Variants in NUBPL observed in about 807,000 individuals in gnomAD.
NUBPL encodes the protein NUBP iron-sulfur cluster assembly factor, mitochondrial.
In NUBPL, 31 loss-of-function variants were observed where a neutral mutation model predicts 45.7. The observed-to-expected ratio is 0.68, with a 90% confidence interval of 0.51 to 0.92. The LOEUF (loss-of-function observed/expected upper bound fraction) is 0.92, where lower values mean the gene tolerates loss of function less well. Ranked by LOEUF, NUBPL falls within the 40% of genes least tolerant of loss-of-function variation. NUBPL has a pLI of 0.00. For synonymous variants in NUBPL, 144 were observed against 140.9 expected, an observed-to-expected ratio of 1.02 and a Z score of -0.15; for missense variants, 401 against 398.7, an observed-to-expected ratio of 1.01 and a Z score of -0.05.
At chr14:31,672,350 A>G (rs2036592119) in intron 4 of NUBPL, among the ~76,000 whole-genome samples, 1 of 152,100 alleles carries the variant, frequency 6.6e-6, no homozygotes, top group Admixed American at 6.6e-5. Context: ...TTAGATTAGC[A>G]TATATATAAT....
chr14:31,588,896 A>C (rs1388052960), intron 3 of NUBPL, among the ~76,000 whole-genome samples: 1 of 144,290 alleles, frequency 6.9e-6, no homozygotes, highest in African/African-American at 2.5e-5. Context: ...CCTGGGCAAC[A>C]GAGTGAGACT....
At chr14:31,604,429 C>T (rs10139871) in intron 4 of NUBPL, among the ~76,000 whole-genome samples, 61,585 of 151,978 alleles carry the variant, frequency 0.41, 14,117 homozygotes, top group East Asian at 0.59. Flanking sequence ...ACAAAATTAC[C>T]TAATTAACAA....
intron 4 of NUBPL, among the ~76,000 whole-genome samples, chr14:31,645,234 T>G (rs1257736990): frequency 6.6e-6 from 1 of 151,946 alleles, no homozygotes; most frequent in Non-Finnish European, 1.5e-5. Flanking sequence ...CCCGGCTAAT[T>G]TTTTGTATTT....
At chr14:31,834,373 G>A (rs951271429) in intron 8 of NUBPL, among the ~76,000 whole-genome samples, 22 of 151,866 alleles carry the variant, frequency 1.4e-4, no homozygotes, top group Non-Finnish European at 2.6e-4. Flanking sequence ...TAGAGACGGG[G>A]TTTCACCGTG....
intron 4 of NUBPL, among the ~76,000 whole-genome samples, chr14:31,660,971 T>G (rs903720650): frequency 1.3e-5 from 2 of 152,252 alleles, no homozygotes; most frequent in African/African-American, 2.4e-5. Flanking sequence ...CAGCTGTTCT[T>G]GTGCCTATTT....
chr14:31,754,952 G>GT (rs2038623617), intron 6 of NUBPL, among the ~76,000 whole-genome samples: 1 of 108,486 alleles, frequency 9.2e-6, no homozygotes, highest in Non-Finnish European at 1.8e-5. Context: ...TGCAGTGTTC[G>GT]GTTTTTTGTC....
chr14:31,584,151 C>CTT (rs893085269), intron 3 of NUBPL, among the ~76,000 whole-genome samples: 8 of 146,630 alleles, frequency 5.5e-5, no homozygotes, highest in Non-Finnish European at 4.5e-5. Flanking sequence ...CAGCAGTTTT[C>CTT]TTTTTTTTTT....
chr14:31,626,491 C>G (rs1404232062), intron 4 of NUBPL, among the ~76,000 whole-genome samples: 1 of 152,182 alleles, frequency 6.6e-6, no homozygotes, highest in Non-Finnish European at 1.5e-5. Flanking sequence ...CTGTAACCTT[C>G]CTCTTTCCTT....
intron 6 of NUBPL, among the ~76,000 whole-genome samples, chr14:31,729,661 G>C (rs769859549): frequency 6.6e-6 from 1 of 151,750 alleles, no homozygotes; most frequent in Non-Finnish European, 1.5e-5. Context: ...TATTTTTCTT[G>C]TATTCAGCCA....
intron 4 of NUBPL, among the ~76,000 whole-genome samples, chr14:31,635,361 G>T (rs2035462711): frequency 1.3e-5 from 2 of 152,106 alleles, no homozygotes; most frequent in African/African-American, 4.8e-5. Context: ...TTTCCCCATT[G>T]CTTATTTTTC....
In NUBPL at chr14:31,602,261, G is replaced by A. The variant is rs568814648; in HGVS notation, c.382+2882G>A. On this transcript the variant is annotated intron_variant, in intron 4 of 10. Transcript: ENST00000281081. ...TTGTGGGGTGGGAGGAGGGGGGAGG[G>A]ATAGCATTGGGAGATATACCTAATG... is the stretch of plus-strand genomic sequence containing the variant. Among the ~76,000 whole-genome samples, 7 of 151,920 alleles carry A rather than the reference G, an allele frequency of 4.6e-5. No individual in the cohort carries two copies. The South Asian group carries it at 1.5e-3, about 32-fold the overall frequency.
At chr14:31,641,253 C>G (rs2035689240) in intron 4 of NUBPL, among the ~76,000 whole-genome samples, 2 of 152,096 alleles carry the variant, frequency 1.3e-5, no homozygotes, top group South Asian at 2.1e-4. Flanking sequence ...CCTGGCCAAT[C>G]TTATTTCTTT....
intron 6 of NUBPL, among the ~76,000 whole-genome samples, chr14:31,741,156 ATT>A (rs1336350343): frequency 6.6e-6 from 1 of 152,130 alleles, no homozygotes; most frequent in Non-Finnish European, 1.5e-5. Flanking sequence ...ACCTCTTAGG[ATT>A]CCCTGTACTT....
intron 10 of NUBPL, among the ~76,000 whole-genome samples, chr14:31,855,623 G>GTT (rs34242973): frequency 1.4e-5 from 2 of 146,420 alleles, no homozygotes; most frequent in Non-Finnish European, 1.5e-5. Context: ...TGTTTTTAGA[G>GTT]TTTTTTTTTT....
intron 2 of NUBPL, among the ~76,000 whole-genome samples, chr14:31,563,847 C>T (rs7152067): frequency 0.69 from 104,729 of 152,154 alleles, 36,588 homozygotes; most frequent in African/African-American, 0.81. Flanking sequence ...AATTTTGTAA[C>T]TTATAAAAAC....
At chr14:31,658,650 C>T (rs896908581) in intron 4 of NUBPL, among the ~76,000 whole-genome samples, 1 of 151,886 alleles carries the variant, frequency 6.6e-6, no homozygotes, top group African/African-American at 2.4e-5. Context: ...GTAGCTGGGA[C>T]TTCAGGCACG....
At chr14:31,847,944 T>C (rs2040479379) in intron 9 of NUBPL, among the ~76,000 whole-genome samples, 1 of 152,246 alleles carries the variant, frequency 6.6e-6, no homozygotes, top group Non-Finnish European at 1.5e-5. Flanking sequence ...GCTTATATAA[T>C]AAAGTAAATG....
At chr14:31,687,714 A>G (rs188544429) in intron 6 of NUBPL, among the ~76,000 whole-genome samples, 279 of 152,298 alleles carry the variant, frequency 1.8e-3, no homozygotes, top group African/African-American at 6.5e-3. Context: ...TGTATTTTTC[A>G]TTGTGTTTAA....
intron 4 of NUBPL, among the ~76,000 whole-genome samples, chr14:31,642,497 T>C (rs1410863964): frequency 6.6e-6 from 1 of 151,948 alleles, no homozygotes. Context: ...GGCTGTAAAA[T>C]GAGTGTGGAT....
Sources: gnomAD v4.1 joint callset for allele counts (sites outside exome capture counted in the v4.1 genomes callset) on GRCh38, gnomAD v4.1.1 for gene constraint, MANE v1.5 for transcripts, NCBI Gene and HGNC (gene_info 2026-07-23, HGNC 2026-07-21) for gene names.